Variants in CYTH1 observed in about 807,000 individuals in gnomAD.
The protein encoded by CYTH1 is cytohesin-1.
A neutral mutation model predicts 61.8 loss-of-function variants in CYTH1; 18 were observed. That is an observed-to-expected ratio of 0.29 (90% CI 0.20 to 0.43). The LOEUF is 0.43. CYTH1 is among the 20% of genes least tolerant of loss of function. The pLI, the probability that CYTH1 is intolerant of heterozygous loss-of-function variation, is 1.00. For synonymous variants in CYTH1, 174 were observed against 184.3 expected, an observed-to-expected ratio of 0.94 and a Z score of 0.45; for missense variants, 336 against 510.5, an observed-to-expected ratio of 0.66 and a Z score of 3.29.
intron 1 of CYTH1, among the ~76,000 whole-genome samples, chr17:78,781,789 G>A (rs2093519275): frequency 1.3e-5 from 2 of 151,636 alleles, no homozygotes; most frequent in Non-Finnish European, 2.9e-5. Flanking sequence ...TCGGCCCCCC[G>A]GGACCCGGAC....
At chr17:78,761,878 A>G (rs908718427) in intron 1 of CYTH1, among the ~76,000 whole-genome samples, 2 of 152,250 alleles carry the variant, frequency 1.3e-5, no homozygotes, top group African/African-American at 4.8e-5. Flanking sequence ...GAACAGTAGT[A>G]GTCAGCTAGA....
intron 9 of CYTH1, among the ~76,000 whole-genome samples, chr17:78,697,247 C>G (rs1328402022): frequency 1.4e-5 from 2 of 147,956 alleles, no homozygotes; most frequent in African/African-American, 2.5e-5. Flanking sequence ...TAGGACGGAA[C>G]AGCCCCTGCT....
chr17:78,714,268 C>G (rs1270625607), intron 1 of CYTH1, among the ~76,000 whole-genome samples: 1 of 151,942 alleles, frequency 6.6e-6, no homozygotes, highest in African/African-American at 2.4e-5. Flanking sequence ...CCAGCCTGGG[C>G]AACAGAGCAG....
At chr17:78,747,546 A>G (rs1247612298) in intron 1 of CYTH1, among the ~76,000 whole-genome samples, 1 of 152,184 alleles carries the variant, frequency 6.6e-6, no homozygotes, top group Non-Finnish European at 1.5e-5. Context: ...ATCATCCCCA[A>G]AAGAAAACCC....
intron 1 of CYTH1, among the ~76,000 whole-genome samples, chr17:78,750,121 T>G (rs1284322175): frequency 6.6e-6 from 1 of 152,058 alleles, no homozygotes; most frequent in Non-Finnish European, 1.5e-5. Context: ...TCATGTGGCA[T>G]CCAGGCAAGT....
At chr17:78,774,785 C>T (rs1320907121) in intron 1 of CYTH1, among the ~76,000 whole-genome samples, 1 of 152,192 alleles carries the variant, frequency 6.6e-6, no homozygotes, top group East Asian at 1.9e-4. Flanking sequence ...GATATAAATC[C>T]TCCTTTTATC....
chr17:78,691,308 TG>T (rs1348245421), intron 11 of CYTH1: 1 of 152,230 alleles, frequency 6.6e-6, no homozygotes, highest in Non-Finnish European at 1.5e-5. Flanking sequence ...GGTGAGAAGC[TG>T]CATGTGCATG....
rs566436826 is a variant in CYTH1, at chr17:78,753,707, C to T, written c.22+28495G>A. On this transcript the variant is annotated intron_variant, in intron 1 of 13. Coordinates refer to ENST00000446868, the MANE Select transcript of CYTH1 (RefSeq NM_004762.6). ...TGGACTAAATAGGTGATTTGCCATACTCCAATTATGAAAACACCAACTTCT... is the reference window on the plus strand; with the variant it reads ...TGGACTAAATAGGTGATTTGCCATATTCCAATTATGAAAACACCAACTTCT... Among the ~76,000 whole-genome samples the T allele has an allele frequency of 1.8e-4, 27 of 152,228 alleles. No homozygotes were observed. The East Asian group carries it at 5.2e-3, about 29-fold the overall frequency.
chr17:78,714,393 C>G (rs1310693171), intron 1 of CYTH1, among the ~76,000 whole-genome samples: 2 of 152,120 alleles, frequency 1.3e-5, no homozygotes, highest in Admixed American at 6.5e-5. Context: ...GAGATTTCAA[C>G]AAATTTCCAG....
chr17:78,768,502 C>T lies in CYTH1; in HGVS notation c.22+13700G>A, dbSNP rs998143203. 5.3e-5 allele frequency among the ~76,000 whole-genome samples: 8 copies of T among 152,308 alleles called. No individual in the cohort carries two copies. In the East Asian group the frequency reaches 1.5e-3, roughly 29 times the overall value. ...TCCTATTCTCAGTATGGAAACTCTC[C>T]AAGCAGTCATCCAAAGACAGAAACC... On this transcript the variant is annotated intron_variant, in intron 1 of 13. Transcript: ENST00000446868.
intron 1 of CYTH1, among the ~76,000 whole-genome samples, chr17:78,777,244 G>A (rs576646314): frequency 2.0e-5 from 3 of 151,410 alleles, no homozygotes; most frequent in African/African-American, 7.3e-5. Context: ...ATGGTGAAAC[G>A]CCGTCTCTAC....
chr17:78,750,450 T>C (rs148463598), intron 1 of CYTH1, among the ~76,000 whole-genome samples: 253 of 152,072 alleles, frequency 1.7e-3, no homozygotes, highest in Non-Finnish European at 2.7e-3. Context: ...AGCCTGAAGT[T>C]TAGGGGTAGG....
intron 1 of CYTH1, among the ~76,000 whole-genome samples, chr17:78,715,362 T>G (rs1436175931): frequency 6.6e-6 from 1 of 152,150 alleles, no homozygotes; most frequent in African/African-American, 2.4e-5. Flanking sequence ...ATCAGAAAGT[T>G]TGTCTTCTGT....
intron 1 of CYTH1, among the ~76,000 whole-genome samples, chr17:78,770,265 G>A (rs1309140202): frequency 6.8e-6 from 1 of 147,920 alleles, no homozygotes; most frequent in East Asian, 2.1e-4. Flanking sequence ...GGAGGATGCA[G>A]TGAGTCGAAA....
intron 11 of CYTH1, 37 bp from the exon 12 acceptor site, chr17:78,681,079 A>G: frequency 6.2e-7 from 1 of 1,602,922 alleles, no homozygotes; most frequent in Non-Finnish European, 8.5e-7. Context: ...TTAAGATCAC[A>G]GTTTAAGGAC....
At position 78,726,042 on chromosome 17, in the gene CYTH1, CT is replaced by C. The variant is rs1159169142; in HGVS notation, c.23-16311del. Among the ~76,000 whole-genome samples, 1,188 of 130,730 alleles carry C rather than the reference CT, an allele frequency of 9.1e-3. 7 individuals carry two copies. Among genetic ancestry groups the C allele is most frequent in the African/African-American group, 0.027 (923 of 33,784 alleles). 85.8% of individuals were successfully genotyped at this position (130,730 alleles called of 152,430 possible). On this transcript the variant is annotated intron_variant, in intron 1 of 13. Transcript: ENST00000446868. ...TTTCTCAGACTCATAATTCAACAGT[CT>C]TTTTTTTTTTTTTTTTTTGAGACGG...
At chr17:78,773,386 T>C (rs575437617) in intron 1 of CYTH1, among the ~76,000 whole-genome samples, 2 of 152,222 alleles carry the variant, frequency 1.3e-5, no homozygotes, top group Admixed American at 6.5e-5. Context: ...TCCCAGCACT[T>C]TGGGAGGCCG....
At chr17:78,682,837 T>G (rs748772502) in intron 11 of CYTH1, among the ~76,000 whole-genome samples, 11 of 152,206 alleles carry the variant, frequency 7.2e-5, no homozygotes, top group Non-Finnish European at 1.3e-4. Context: ...AGCCTTGGCG[T>G]GCATTCATTT....
At chr17:78,718,937 C>T (rs972002352) in intron 1 of CYTH1, among the ~76,000 whole-genome samples, 6 of 152,258 alleles carry the variant, frequency 3.9e-5, no homozygotes, top group African/African-American at 1.2e-4. Context: ...CCTGCATTTA[C>T]TGCTTGCCTA....
Sources: allele counts gnomAD v4.1 joint callset (sites outside exome capture counted in the v4.1 genomes callset), GRCh38; gene constraint gnomAD v4.1.1; transcripts MANE v1.5; gene names NCBI Gene and HGNC (gene_info 2026-07-23, HGNC 2026-07-21).